PIK3C2G: variants seen among roughly 807,000 people sequenced by gnomAD.
The protein encoded by PIK3C2G is phosphatidylinositol-4-phosphate 3-kinase catalytic subunit type 2 gamma, also known as phosphatidylinositol 3-kinase C2 domain-containing subunit gamma.
A neutral mutation model predicts 181.1 loss-of-function variants in PIK3C2G; 168 were observed. The ratio of observed to expected loss-of-function variants is 0.93; its 90% confidence interval spans 0.82 to 1.05. The LOEUF (loss-of-function observed/expected upper bound fraction) is 1.05, where lower values mean the gene tolerates loss of function less well. Among genes scored for constraint, PIK3C2G ranks in the 50% least tolerant of loss-of-function variants. PIK3C2G has a pLI of 0.00. For missense variants in PIK3C2G, 1,869 were observed against 1,732.8 expected, an observed-to-expected ratio of 1.08 and a Z score of -1.40; for synonymous variants, 573 against 592.2, an observed-to-expected ratio of 0.97 and a Z score of 0.47.
the PIK3C2G span, among the ~76,000 whole-genome samples, chr12:18,715,298 A>G: frequency 7.2e-3 from 1,082 of 150,896 alleles, 11 homozygotes; most frequent in African/African-American, 0.026. Context: ...TTTAGAGAGA[A>G]AGAGAATTGG....
intron 18 of PIK3C2G, among the ~76,000 whole-genome samples, chr12:18,427,606 G>C (rs1220317797): frequency 6.6e-6 from 1 of 151,654 alleles, no homozygotes; most frequent in African/African-American, 2.4e-5. Context: ...GACCACCTCA[G>C]TAAGTTCTTC....
chr12:18,367,562 TA>T (rs1941728358), intron 12 of PIK3C2G, among the ~76,000 whole-genome samples: 4 of 152,144 alleles, frequency 2.6e-5, no homozygotes, highest in African/African-American at 9.7e-5. Flanking sequence ...TTTATTTATT[TA>T]TTTTTTTTGA....
intron 13 of PIK3C2G, among the ~76,000 whole-genome samples, chr12:18,373,256 G>T (rs993203590): frequency 6.6e-6 from 1 of 152,104 alleles, no homozygotes; most frequent in East Asian, 1.9e-4. Flanking sequence ...CCTTTCGGGG[G>T]TAATCCCTGC....
chr12:18,352,428 G>A (rs1940306254), intron 11 of PIK3C2G, among the ~76,000 whole-genome samples: 1 of 152,174 alleles, frequency 6.6e-6, no homozygotes, highest in South Asian at 2.1e-4. Flanking sequence ...ACATACAGGT[G>A]AGTGGGTGCA....
chr12:18,684,952 G>T, the PIK3C2G span, among the ~76,000 whole-genome samples: 3 of 151,878 alleles, frequency 2.0e-5, no homozygotes, highest in Admixed American at 6.6e-5. Context: ...ACATGAAAAG[G>T]TCCAAATTTG....
chr12:18,681,214 T>C, the PIK3C2G span, among the ~76,000 whole-genome samples: 1 of 152,036 alleles, frequency 6.6e-6, no homozygotes, highest in Non-Finnish European at 1.5e-5. Context: ...ACAAAGTTGG[T>C]TCCTGACTGT....
In PIK3C2G at chr12:18,405,126, C is replaced by T. The variant is rs137946061; in HGVS notation, c.2315+5279C>T. ...AGTTTTAGATGAAAGAGCAAATTTACGTAGTGAACGTTGAAAAGTTCTATT... is the reference window on the plus strand; with the variant it reads ...AGTTTTAGATGAAAGAGCAAATTTATGTAGTGAACGTTGAAAAGTTCTATT... On this transcript the variant is annotated intron_variant, in intron 16 of 32. Transcript: ENST00000538779. 3.4e-3 allele frequency among the ~76,000 whole-genome samples: 521 copies of T among 152,170 alleles called. 2 individuals are homozygous for T. Among genetic ancestry groups the T allele is most frequent in the African/African-American group, 0.012 (479 of 41,518 alleles).
intron 18 of PIK3C2G, among the ~76,000 whole-genome samples, chr12:18,468,683 C>T (rs1938151834): frequency 6.6e-6 from 1 of 151,978 alleles, no homozygotes; most frequent in African/African-American, 2.4e-5. Context: ...GATTTTTAAG[C>T]AGTAATATTC....
chr12:18,266,669 C>A (rs1363296950), intron 1 of PIK3C2G, among the ~76,000 whole-genome samples: 1 of 152,070 alleles, frequency 6.6e-6, no homozygotes, highest in Non-Finnish European at 1.5e-5. Flanking sequence ...AAAAGACAAA[C>A]TGAATGTTTG....
chr12:18,627,146 C>T (rs2136700206), intron 31 of PIK3C2G, among the ~76,000 whole-genome samples: 1 of 151,886 alleles, frequency 6.6e-6, no homozygotes, highest in East Asian at 2.0e-4. Context: ...AGTGTGATTT[C>T]ACTGGCTGTT....
At chr12:18,340,536 G>A (rs1939037825) in intron 9 of PIK3C2G, among the ~76,000 whole-genome samples, 1 of 152,066 alleles carries the variant, frequency 6.6e-6, no homozygotes, top group African/African-American at 2.4e-5. Context: ...AGTATAACAA[G>A]GTAGTGAGAA....
At position 18,433,281 on chromosome 12, in the gene PIK3C2G, G is replaced by A. The variant is rs368859880; in HGVS notation, c.2504+9242G>A. Among the ~76,000 whole-genome samples, 16 of 152,198 alleles carry A rather than the reference G, an allele frequency of 1.1e-4. No homozygotes were observed. In the East Asian group the frequency reaches 2.5e-3, roughly 24 times the overall value. The stretch of plus-strand genomic sequence containing the variant: ...TATGATCCCAGTACTTTGGGAGGCC[G>A]AGGAGGGTAGGTCATGAGATCAGGA... On this transcript the variant is annotated intron_variant, in intron 18 of 32. Coordinates refer to ENST00000538779, the MANE Select transcript of PIK3C2G (RefSeq NM_001288772.2).
At chr12:18,397,493 T>G (rs60788972) in intron 15 of PIK3C2G, among the ~76,000 whole-genome samples, 1 of 150,004 alleles carries the variant, frequency 6.7e-6, no homozygotes, top group Admixed American at 6.6e-5. Flanking sequence ...GAGCAGAGAG[T>G]TCAAACAAAA....
intron 32 of PIK3C2G, among the ~76,000 whole-genome samples, chr12:18,642,428 T>A (rs1949890051): frequency 6.6e-6 from 1 of 152,182 alleles, no homozygotes; most frequent in Admixed American, 6.5e-5. Flanking sequence ...AATATTTGTG[T>A]TCTTATACTC....
chr12:18,545,558 C>CT (rs908658804), intron 25 of PIK3C2G, among the ~76,000 whole-genome samples: 1 of 149,174 alleles, frequency 6.7e-6, no homozygotes, highest in African/African-American at 2.5e-5. Flanking sequence ...CTATTATTTT[C>CT]TTTAAAAAAA....
intron 29 of PIK3C2G, among the ~76,000 whole-genome samples, chr12:18,567,453 A>G (rs1454195852): frequency 6.6e-6 from 1 of 152,150 alleles, no homozygotes; most frequent in Non-Finnish European, 1.5e-5. Context: ...TTCAATGAAT[A>G]TGTATGCCTA....
intron 29 of PIK3C2G, among the ~76,000 whole-genome samples, chr12:18,586,624 T>C (rs1394568536): frequency 1.3e-5 from 2 of 152,130 alleles, no homozygotes; most frequent in African/African-American, 4.8e-5. Context: ...GATTCATAGC[T>C]GAATTCTACC....
At chr12:18,425,308 T>C (rs750855078) in intron 18 of PIK3C2G, among the ~76,000 whole-genome samples, 4 of 152,000 alleles carry the variant, frequency 2.6e-5, no homozygotes, top group Non-Finnish European at 5.9e-5. Context: ...GGAATTGGAT[T>C]GTTTTGGTTT....
At chr12:18,519,100 G>A (rs1030159795) in intron 24 of PIK3C2G, among the ~76,000 whole-genome samples, 5 of 152,082 alleles carry the variant, frequency 3.3e-5, no homozygotes, top group African/African-American at 1.2e-4. Flanking sequence ...CTGAGAGATC[G>A]TGTTATGATT....
Sources: allele counts gnomAD v4.1 joint callset (sites outside exome capture counted in the v4.1 genomes callset), GRCh38; gene constraint gnomAD v4.1.1; transcripts MANE v1.5; gene names NCBI Gene and HGNC (gene_info 2026-07-23, HGNC 2026-07-21).